Variants in GRIK4 observed in about 807,000 individuals in gnomAD.
GRIK4 encodes glutamate receptor ionotropic, kainate 4.
A neutral mutation model predicts 104.9 loss-of-function variants in GRIK4; 40 were observed. That is an observed-to-expected ratio of 0.38 (90% CI 0.30 to 0.50). GRIK4 has a LOEUF of 0.50. Ranked by LOEUF, GRIK4 falls within the 20% of genes least tolerant of loss-of-function variation. The pLI is 0.93. For missense variants in GRIK4, 1,047 were observed against 1,308.1 expected (o/e 0.80, Z 3.08); for synonymous variants, 485 against 524.9 (o/e 0.92, Z 1.04).
intron 6 of GRIK4, among the ~76,000 whole-genome samples, chr11:120,830,087 A>G (rs1565378543): frequency 6.6e-6 from 1 of 151,966 alleles, no homozygotes; most frequent in Non-Finnish European, 1.5e-5. Context: ...GCCTTCTCAA[A>G]ACAGGTGACA....
intron 1 of GRIK4, among the ~76,000 whole-genome samples, chr11:120,553,896 GT>G: frequency 6.6e-6 from 1 of 152,180 alleles, no homozygotes; most frequent in East Asian, 1.9e-4. Flanking sequence ...GACTGGGAAG[GT>G]TCAAGTCACA....
chr11:120,773,596 A>G (rs574241432), intron 3 of GRIK4, among the ~76,000 whole-genome samples: 1 of 152,182 alleles, frequency 6.6e-6, no homozygotes. Flanking sequence ...TTATTGTTCA[A>G]GGAAAGATAG....
chr11:120,682,591 CTT>C lies in GRIK4; in HGVS notation c.82+22206_82+22207del, dbSNP rs34209497. 2.1e-3 allele frequency among the ~76,000 whole-genome samples: 302 copies of C among 145,020 alleles called. 3 individuals are homozygous for C. The highest frequency in any genetic ancestry group is 0.012 in the South Asian group (55 of 4,494). The stretch of plus-strand genomic sequence containing the variant: ...TGTCTAGACCACTATTTGCCCCCAT[CTT>C]TTTTTTTTTTTTTTCCCATCTGGCC... On this transcript the variant is annotated intron_variant, in intron 3 of 20. Coordinates refer to ENST00000527524, the MANE Select transcript of GRIK4 (RefSeq NM_014619.5).
chr11:120,547,275 G>C (rs952679909), intron 1 of GRIK4, among the ~76,000 whole-genome samples: 1 of 152,172 alleles, frequency 6.6e-6, no homozygotes, highest in Non-Finnish European at 1.5e-5. Context: ...GTGGCTCTTG[G>C]CATCTTAGAT....
intron 3 of GRIK4, among the ~76,000 whole-genome samples, chr11:120,744,850 G>A (rs1951412364): frequency 6.6e-6 from 1 of 152,150 alleles, no homozygotes; most frequent in African/African-American, 2.4e-5. Context: ...TTATATAAGA[G>A]AACAGCAATG....
chr11:120,651,762 G>A (rs1461097821), intron 1 of GRIK4, among the ~76,000 whole-genome samples: 1 of 152,118 alleles, frequency 6.6e-6, no homozygotes, highest in Non-Finnish European at 1.5e-5. Context: ...ATTCCTAAAG[G>A]CCAGGGACAC....
At chr11:120,850,718 C>G (rs1953953390) in intron 8 of GRIK4, among the ~76,000 whole-genome samples, 1 of 151,738 alleles carries the variant, frequency 6.6e-6, no homozygotes, top group Non-Finnish European at 1.5e-5. Context: ...TTGGGCCCTG[C>G]TGAGAAGAGT....
intron 3 of GRIK4, among the ~76,000 whole-genome samples, chr11:120,802,272 C>T (rs1190971502): frequency 6.6e-6 from 1 of 152,172 alleles, no homozygotes; most frequent in Non-Finnish European, 1.5e-5. Context: ...ATCCTTTAAC[C>T]CTCTCTCACC....
At chr11:120,715,460 G>A (rs977569204) in intron 3 of GRIK4, among the ~76,000 whole-genome samples, 1 of 152,194 alleles carries the variant, frequency 6.6e-6, no homozygotes, top group South Asian at 2.1e-4. Context: ...CCTAGAGGTT[G>A]TTCTGTGAAT....
At chr11:120,911,240 CTT>C (rs202173501) in intron 13 of GRIK4, among the ~76,000 whole-genome samples, 84 of 137,672 alleles carry the variant, frequency 6.1e-4, no homozygotes, top group African/African-American at 1.6e-3. Context: ...CCAAAATTCT[CTT>C]TTTTTTTTTT....
At chr11:120,540,825 A>G (rs963862182) in intron 1 of GRIK4, among the ~76,000 whole-genome samples, 1 of 151,402 alleles carries the variant, frequency 6.6e-6, no homozygotes, top group Non-Finnish European at 1.5e-5. Context: ...AAAAATATCA[A>G]GAACAGCCAG....
intron 1 of GRIK4, among the ~76,000 whole-genome samples, chr11:120,516,898 G>C (rs188531594): frequency 6.6e-6 from 1 of 152,048 alleles, no homozygotes; most frequent in Admixed American, 6.5e-5. Flanking sequence ...TGGAGCCATC[G>C]GGGCTCACCC....
At chr11:120,702,394 C>T (rs1193822153) in intron 3 of GRIK4, among the ~76,000 whole-genome samples, 1 of 152,162 alleles carries the variant, frequency 6.6e-6, no homozygotes, top group Non-Finnish European at 1.5e-5. Context: ...GTTAGACAAC[C>T]TGTGGAGATG....
At chr11:120,624,677 G>A (rs75526283) in intron 1 of GRIK4, among the ~76,000 whole-genome samples, 1 of 152,274 alleles carries the variant, frequency 6.6e-6, no homozygotes, top group African/African-American at 2.4e-5. Flanking sequence ...ATTCTCTAGA[G>A]CACCTTGGGA....
intron 4 of GRIK4, among the ~76,000 whole-genome samples, chr11:120,813,067 T>C (rs1467963251): frequency 6.6e-6 from 1 of 152,074 alleles, no homozygotes; most frequent in Admixed American, 6.5e-5. Context: ...ATGGTGACCT[T>C]GGAGAAAGTG....
At position 120,635,819 on chromosome 11, in the gene GRIK4, C is replaced by A. The variant is rs935943588; in HGVS notation, c.-158-17866C>A. 2.0e-5 allele frequency among the ~76,000 whole-genome samples: 3 copies of A among 152,208 alleles called. No individual in the cohort carries two copies. The South Asian group carries it at 6.2e-4, about 32-fold the overall frequency. ...TTCACAAAATTATATCAATCATCCC[C>A]AAAATGCACAAATCATAAGTGTATG... On this transcript the variant is annotated intron_variant, in intron 1 of 20. Transcript: ENST00000527524.
chr11:120,971,163 G>A (rs1019624799), intron 19 of GRIK4, among the ~76,000 whole-genome samples: 3 of 152,278 alleles, frequency 2.0e-5, no homozygotes, highest in South Asian at 4.1e-4. Context: ...CTGCGAATGT[G>A]CCCATTCATC....
intron 3 of GRIK4, among the ~76,000 whole-genome samples, chr11:120,697,568 T>C (rs1158404065): frequency 6.6e-6 from 1 of 152,148 alleles, no homozygotes; most frequent in Non-Finnish European, 1.5e-5. Flanking sequence ...TGAGCCGAGA[T>C]TGCACCATTG....
rs887771964 is a variant in GRIK4, at chr11:120,641,620, T to C, written c.-158-12065T>C. On this transcript the variant is annotated intron_variant, in intron 1 of 20. Transcript: ENST00000527524. ...AACTGTCATGGCGCTGATGGGAGTGTCTTTTAACATGCTAATGCATTATAA... is the reference window on the plus strand; with the variant it reads ...AACTGTCATGGCGCTGATGGGAGTGCCTTTTAACATGCTAATGCATTATAA... Among the ~76,000 whole-genome samples the C allele has an allele frequency of 6.6e-5, 10 of 152,310 alleles. No homozygotes were observed. The East Asian group carries it at 1.9e-3, about 29-fold the overall frequency.
Sources: allele counts gnomAD v4.1 joint callset (sites outside exome capture counted in the v4.1 genomes callset), GRCh38; gene constraint gnomAD v4.1.1; transcripts MANE v1.5; gene names NCBI Gene and HGNC (gene_info 2026-07-23, HGNC 2026-07-21).